Variants in HNRNPC observed in about 807,000 individuals in gnomAD.
The protein encoded by HNRNPC is heterogeneous nuclear ribonucleoprotein C, also known as heterogeneous nuclear ribonucleoproteins C1/C2.
A neutral mutation model predicts 33.2 loss-of-function variants in HNRNPC; 3 were observed. That is an observed-to-expected ratio of 0.09 (90% CI 0.04 to 0.23). The LOEUF (loss-of-function observed/expected upper bound fraction) is 0.23. HNRNPC is among the 10% of genes least tolerant of loss of function. The pLI is 1.00. For missense variants in HNRNPC, 143 were observed against 366.7 expected, an observed-to-expected ratio of 0.39 and a Z score of 4.98; for synonymous variants, 121 against 126.7, an observed-to-expected ratio of 0.96 and a Z score of 0.30.
intron 2 of HNRNPC, among the ~76,000 whole-genome samples, chr14:21,260,360 C>T (rs536702192): frequency 0.012 from 1,587 of 132,546 alleles, 23 homozygotes; most frequent in African/African-American, 0.044. Context: ...AGCGAGACTC[C>T]GTCTTATTTA....
intron 1 of HNRNPC, chr14:21,264,076 T>G (rs1257529471): frequency 6.6e-6 from 1 of 151,914 alleles, no homozygotes; most frequent in Non-Finnish European, 1.5e-5. Flanking sequence ...TCAAAAAGAG[T>G]ATATCCCAAA....
chr14:21,257,064 C>G (rs1398620261), intron 2 of HNRNPC, among the ~76,000 whole-genome samples: 1 of 152,190 alleles, frequency 6.6e-6, no homozygotes, highest in African/African-American at 2.4e-5. Context: ...AAAAAGGCAA[C>G]AGTACACAAG....
At chr14:21,212,039 A>G in intron 6 of HNRNPC, 116 bp from the exon 7 acceptor site, 2 of 762,178 alleles carry the variant, frequency 2.6e-6, no homozygotes, top group Non-Finnish European at 4.4e-6. Context: ...GGAGAAACAG[A>G]GCCAGTACAG....
chr14:21,228,026 C>T (rs535603566), intron 5 of HNRNPC, among the ~76,000 whole-genome samples: 1 of 152,316 alleles, frequency 6.6e-6, no homozygotes, highest in African/African-American at 2.4e-5. Context: ...GAAAAATATA[C>T]TAGTACTTAA....
At chr14:21,225,916 T>C (rs2139584919) in intron 5 of HNRNPC, among the ~76,000 whole-genome samples, 1 of 152,260 alleles carries the variant, frequency 6.6e-6, no homozygotes, top group Non-Finnish European at 1.5e-5. Context: ...ATCTAGTTTA[T>C]ATCTAGATAT....
At chr14:21,257,214 T>C (rs1877373107) in intron 2 of HNRNPC, among the ~76,000 whole-genome samples, 1 of 152,154 alleles carries the variant, frequency 6.6e-6, no homozygotes. Context: ...TGATCTTAAG[T>C]GTCGAAATCA....
chr14:21,211,821 C>T lies in HNRNPC; in HGVS notation c.626G>A (p.Ser209Asn), dbSNP rs199818734. 104 of 1,612,058 alleles carry T rather than the reference C, an allele frequency of 6.5e-5. No individual in the cohort carries two copies. The highest frequency in any genetic ancestry group is 8.4e-5 in the Non-Finnish European group (99 of 1,179,686). Residue 209 changes from serine (S) to asparagine (N), a missense_variant, in exon 7 of 9, where the codon AGC becomes AAC. Ser to Asn is a conservative substitution (Grantham distance 46). Transcript: ENST00000553300. ...GAAAACCCATTTACCTGCTTGTTTG[C>T]TCTGTTCCTTTTCAATTTTTTCCAG... ...ENLEKIEKEQ[S>N]KQAVEMKNDK...
intron 2 of HNRNPC, among the ~76,000 whole-genome samples, chr14:21,246,688 C>T (rs1896016159): frequency 6.6e-6 from 1 of 152,110 alleles, no homozygotes; most frequent in Admixed American, 6.5e-5. Context: ...TCTCCAGATG[C>T]TACTTTTCTG....
chr14:21,238,866 C>A (rs1452997867), intron 2 of HNRNPC, among the ~76,000 whole-genome samples: 2 of 152,318 alleles, frequency 1.3e-5, no homozygotes, highest in East Asian at 1.9e-4. Flanking sequence ...GTGGCTCACA[C>A]CTGTAATCCC....
At chr14:21,214,686 TTTA>T (rs1163790219) in intron 5 of HNRNPC, among the ~76,000 whole-genome samples, 1 of 152,226 alleles carries the variant, frequency 6.6e-6, no homozygotes, top group Admixed American at 6.5e-5. Flanking sequence ...TGAGTAACTT[TTTA>T]TTATCACTAC....
chr14:21,262,150 T>G (rs532605814), intron 2 of HNRNPC, among the ~76,000 whole-genome samples: 1 of 152,200 alleles, frequency 6.6e-6, no homozygotes, highest in Non-Finnish European at 1.5e-5. Context: ...AGACAGCATT[T>G]TAATATTATG....
chr14:21,244,131 G>GGAC (rs1566627454), intron 2 of HNRNPC, among the ~76,000 whole-genome samples: 1 of 151,900 alleles, frequency 6.6e-6, no homozygotes. Context: ...CGAGTAGCTG[G>GGAC]GACTACAGGC....
chr14:21,256,423 T>G (rs1419040714), intron 2 of HNRNPC, among the ~76,000 whole-genome samples: 1 of 151,782 alleles, frequency 6.6e-6, no homozygotes, highest in Non-Finnish European at 1.5e-5. Flanking sequence ...CACTACAGCC[T>G]GGGCAAAGAG....
intron 2 of HNRNPC, among the ~76,000 whole-genome samples, chr14:21,250,146 G>T (rs749478039): frequency 6.6e-6 from 1 of 151,904 alleles, no homozygotes; most frequent in Admixed American, 6.6e-5. Context: ...CAGGCTACTC[G>T]GGAGGCCAAG....
At position 21,247,640 on chromosome 14, in the gene HNRNPC, G is replaced by GA. The variant is rs545860466; in HGVS notation, c.-36-13412dup. ...TCATACTTCCAAATTGAAGTAAACT[G>GA]AAAGTGGATACAAAAATACCTATCC... On this transcript the variant is annotated intron_variant, in intron 2 of 8. Coordinates refer to ENST00000553300, the MANE Select transcript of HNRNPC (RefSeq NM_004500.4). 3.2e-4 allele frequency among the ~76,000 whole-genome samples: 49 copies of GA among 152,036 alleles called. No individual in the cohort carries two copies. The East Asian group carries it at 7.2e-3, about 22-fold the overall frequency.
chr14:21,217,117 T>C (rs1251973140), intron 5 of HNRNPC, among the ~76,000 whole-genome samples: 1 of 152,252 alleles, frequency 6.6e-6, no homozygotes, highest in Non-Finnish European at 1.5e-5. Context: ...GTGGGGCTTT[T>C]AGTTACAAAG....
chr14:21,221,410 A>G (rs1892810949), intron 5 of HNRNPC, among the ~76,000 whole-genome samples: 1 of 152,224 alleles, frequency 6.6e-6, no homozygotes, highest in Non-Finnish European at 1.5e-5. Context: ...CACTGAACTT[A>G]AATGTTCTAC....
At chr14:21,252,481 T>C (rs1412391727) in intron 2 of HNRNPC, among the ~76,000 whole-genome samples, 1 of 152,160 alleles carries the variant, frequency 6.6e-6, no homozygotes, top group Non-Finnish European at 1.5e-5. Flanking sequence ...CAGGTAATTT[T>C]TTTGTATTCT....
intron 5 of HNRNPC, among the ~76,000 whole-genome samples, chr14:21,223,689 C>T (rs1893102726): frequency 6.6e-6 from 1 of 151,914 alleles, no homozygotes. Flanking sequence ...ACAGAGGTTG[C>T]CGTGAGCAGT....
Sources: gnomAD v4.1 joint callset for allele counts (sites outside exome capture counted in the v4.1 genomes callset) on GRCh38, gnomAD v4.1.1 for gene constraint, MANE v1.5 for transcripts, NCBI Gene and HGNC (gene_info 2026-07-23, HGNC 2026-07-21) for gene names.